MPDZ: variants seen among roughly 807,000 people sequenced by gnomAD.
MPDZ encodes multiple PDZ domain crumbs cell polarity complex component, also known as multiple PDZ domain protein.
Under a neutral mutation model 239.1 loss-of-function variants are expected in MPDZ, and 234 were observed. The ratio of observed to expected loss-of-function variants is 0.98; its 90% CI spans 0.88 to 1.09. The LOEUF (loss-of-function observed/expected upper bound fraction) is 1.09, where lower values mean the gene tolerates loss of function less well. MPDZ is among the 50% of genes least tolerant of loss of function. The pLI is 0.00. For missense variants in MPDZ, 3,175 were observed against 2,510.0 expected (o/e 1.26, Z -5.66); for synonymous variants, 1,048 against 881.3 (o/e 1.19, Z -3.35).
intron 34 of MPDZ, among the ~76,000 whole-genome samples, chr9:13,126,183 T>C (rs1945087359): frequency 1.3e-5 from 2 of 152,188 alleles, no homozygotes; most frequent in African/African-American, 4.8e-5. Context: ...GTATACACAA[T>C]GGATATTTAT....
Position 13,190,096 on chromosome 9 carries a change from A to C in MPDZ, c.2154+18T>G, listed in dbSNP as rs763642799. 1 of 1,602,700 alleles carries C rather than the reference A, an allele frequency of 6.2e-7. No homozygotes were observed. The highest frequency in any genetic ancestry group is 2.3e-5 in the East Asian group (1 of 44,396). On this transcript the variant is annotated intron_variant, in intron 16 of 46. Coordinates refer to ENST00000319217, the MANE Select transcript of MPDZ (RefSeq NM_001378778.1). ...AACAATAGGCCTTTAAAAATTGTTA[A>C]AAGTAGTATATACTTACCTGATAAT...
In MPDZ at chr9:13,175,197, A is replaced by G. The variant is rs117765640; in HGVS notation, c.3055+555T>C. ...ATTGTAATTAGGATATTTCTACAGA[A>G]AGTCTTTTTTGCCCAATTCAGAGGG... On this transcript the variant is annotated intron_variant, in intron 21 of 46. Coordinates refer to ENST00000319217, the MANE Select transcript of MPDZ (RefSeq NM_001378778.1). Among the ~76,000 whole-genome samples the G allele has an allele frequency of 5.3e-5, 8 of 152,266 alleles. No homozygotes were observed. In the East Asian group the frequency reaches 1.5e-3, roughly 29 times the overall value.
intron 3 of MPDZ, among the ~76,000 whole-genome samples, chr9:13,231,994 G>C (rs1203147283): frequency 1.3e-5 from 2 of 151,956 alleles, no homozygotes; most frequent in Non-Finnish European, 2.9e-5. Context: ...AACAGGATCA[G>C]TTCAAAAGAT....
chr9:13,198,737 C>CTCTCTGTG (rs755487892), intron 12 of MPDZ, among the ~76,000 whole-genome samples: 1,947 of 69,614 alleles, frequency 0.028, 51 homozygotes, highest in Non-Finnish European at 0.037. Context: ...ATCTCTCTCT[C>CTCTCTGTG]TGTGTGTGTG....
chr9:13,205,441 G>A (rs543169128), intron 11 of MPDZ, among the ~76,000 whole-genome samples: 1 of 152,214 alleles, frequency 6.6e-6, no homozygotes, highest in South Asian at 2.1e-4. Flanking sequence ...TCAGTAATTT[G>A]CAGACATATT....
At chr9:13,265,261 C>T (rs1248352540) in intron 1 of MPDZ, among the ~76,000 whole-genome samples, 1 of 152,166 alleles carries the variant, frequency 6.6e-6, no homozygotes, top group African/African-American at 2.4e-5. Flanking sequence ...TTCAATGAGC[C>T]CAGGTCGACT....
At chr9:13,201,490 A>G (rs1956385996) in intron 12 of MPDZ, among the ~76,000 whole-genome samples, 1 of 151,788 alleles carries the variant, frequency 6.6e-6, no homozygotes, top group African/African-American at 2.4e-5. Context: ...TTCAGCTACT[A>G]TTTCCTTAAA....
chr9:13,106,837 A>C lies in MPDZ; in HGVS notation c.*128T>G. 1.0e-6 allele frequency: 1 copy of C among 972,566 alleles called. No homozygotes were observed. Among genetic ancestry groups the C allele is most frequent in the Non-Finnish European group, 1.5e-6 (1 of 672,626 alleles). The allele number at this position is 972,566 out of a possible 1,614,324, so 60.2% of individuals were successfully genotyped here. A position where few individuals can be genotyped will look rare whatever the true frequency, so the allele number is the denominator to read the frequency against. The stretch of plus-strand genomic sequence containing the variant: ...TTTCTAGATGAGAAAAAGAAACTTA[A>C]GTGTTATTTCCCCCCTACAGTTTTG... On this transcript the variant is annotated 3_prime_UTR_variant, in exon 47 of 47. Coordinates refer to ENST00000319217, the MANE Select transcript of MPDZ (RefSeq NM_001378778.1).
At chr9:13,200,284 C>G (rs961219222) in intron 12 of MPDZ, among the ~76,000 whole-genome samples, 2 of 151,828 alleles carry the variant, frequency 1.3e-5, no homozygotes, top group African/African-American at 2.4e-5. Flanking sequence ...TCAATAGTAT[C>G]AATTATAGTG....
At chr9:13,229,592 ACACACACACACACC>A (rs1315616855) in intron 3 of MPDZ, among the ~76,000 whole-genome samples, 1 of 151,564 alleles carries the variant, frequency 6.6e-6, no homozygotes, top group East Asian at 1.9e-4. Context: ...ACACACACAC[ACACACACACACACC>A]CCCATCCACC....
At chr9:13,124,483 A>AT (rs373519800) in intron 35 of MPDZ, among the ~76,000 whole-genome samples, 85 of 151,438 alleles carry the variant, frequency 5.6e-4, no homozygotes, top group African/African-American at 1.8e-3. Flanking sequence ...CCAATGCCTT[A>AT]TTTTTTTTTG....
chr9:13,208,477 C>A (rs1174914857), intron 10 of MPDZ, among the ~76,000 whole-genome samples: 1 of 150,860 alleles, frequency 6.6e-6, no homozygotes, highest in Non-Finnish European at 1.5e-5. Flanking sequence ...AAAAAAAAGA[C>A]CTAGATCAGT....
intron 3 of MPDZ, 64 bp downstream of exon 3, chr9:13,247,571 A>AC: frequency 6.5e-7 from 1 of 1,533,506 alleles, no homozygotes; most frequent in Non-Finnish European, 8.9e-7. Flanking sequence ...TTTCAGAAAA[A>AC]CACAAGCCTT....
At chr9:13,200,895 G>A (rs965105612) in intron 12 of MPDZ, among the ~76,000 whole-genome samples, 1 of 151,920 alleles carries the variant, frequency 6.6e-6, no homozygotes, top group Non-Finnish European at 1.5e-5. Context: ...GCAGCTGTTG[G>A]ACGGAACGTT....
At chr9:13,209,624 T>G (rs964803837) in intron 10 of MPDZ, among the ~76,000 whole-genome samples, 1 of 152,166 alleles carries the variant, frequency 6.6e-6, no homozygotes, top group Non-Finnish European at 1.5e-5. Flanking sequence ...GATCGGTGCA[T>G]GTATCTTCCT....
rs768088594 is a variant in MPDZ, at chr9:13,110,650, A to T, written c.5815T>A (p.Ser1939Thr). The T allele has an allele frequency of 6.2e-7, 1 of 1,613,470 alleles. No individual in the cohort carries two copies. Among genetic ancestry groups the T allele is most frequent in the Non-Finnish European group, 8.5e-7 (1 of 1,179,598 alleles). ...AAAAATCTTACCTGCATTTCAATGGAGCCAGATGCATTTTTCAGTAGGTTA... is the reference window on the plus strand; with the variant it reads ...AAAAATCTTACCTGCATTTCAATGGTGCCAGATGCATTTTTCAGTAGGTTA... ...AVNLLKNASG[S>T]IEMQVVAGGD... Residue 1939 changes from serine (S) to threonine (T), a missense_variant, in exon 44 of 47, where the codon TCC becomes ACC. Physicochemically the swap from Ser to Thr is moderately conservative, Grantham distance 58. Transcript: ENST00000319217.
chr9:13,274,504 T>G (rs1973716622), intron 1 of MPDZ: 2 of 151,908 alleles, frequency 1.3e-5, no homozygotes. Flanking sequence ...AGAAAAAAAG[T>G]AAGAGTTTGT....
At chr9:13,220,047 T>A (rs1958900878) in intron 7 of MPDZ, among the ~76,000 whole-genome samples, 1 of 152,024 alleles carries the variant, frequency 6.6e-6, no homozygotes, top group Non-Finnish European at 1.5e-5. Context: ...AACTTTTCAC[T>A]TTGATTTCTA....
At chr9:13,168,300 A>C in intron 22 of MPDZ, 66 bp downstream of exon 22, 1 of 1,466,112 alleles carries the variant, frequency 6.8e-7, no homozygotes, top group East Asian at 2.3e-5. Context: ...GAATACTGAA[A>C]AAGAATTCTG....
Sources: allele counts gnomAD v4.1 joint callset (sites outside exome capture counted in the v4.1 genomes callset), GRCh38; gene constraint gnomAD v4.1.1; transcripts MANE v1.5; gene names NCBI Gene and HGNC (gene_info 2026-07-23, HGNC 2026-07-21).